Variants in KLHL1 observed in about 807,000 individuals in gnomAD.
KLHL1 encodes kelch-like protein 1.
Under a neutral mutation model 77.7 loss-of-function variants are expected in KLHL1, and 47 were observed. The observed-to-expected ratio is 0.60, with a 90% CI of 0.48 to 0.77. The LOEUF is 0.77. Among genes scored for constraint, KLHL1 ranks in the 30% least tolerant of loss-of-function variants. The probability of loss-of-function intolerance (pLI) is 0.00; values close to 1 mark genes in which losing one functional copy is unlikely to be tolerated. For synonymous variants in KLHL1, 360 were observed against 325.2 expected (o/e 1.11, Z -1.15); for missense variants, 925 against 910.8 (o/e 1.02, Z -0.20).
chr13:69,809,515 A>T (rs1418880141), intron 6 of KLHL1, among the ~76,000 whole-genome samples: 1 of 152,160 alleles, frequency 6.6e-6, no homozygotes, highest in Non-Finnish European at 1.5e-5. Context: ...CAATAAGAGA[A>T]TTAATCAGCA....
chr13:69,998,976 C>T (rs1885221856), intron 1 of KLHL1, among the ~76,000 whole-genome samples: 1 of 152,070 alleles, frequency 6.6e-6, no homozygotes, highest in South Asian at 2.1e-4. Flanking sequence ...CTCTCACCCA[C>T]ACTTCTAGAG....
chr13:69,889,604 T>C (rs1332310354), intron 4 of KLHL1, among the ~76,000 whole-genome samples: 1 of 152,072 alleles, frequency 6.6e-6, no homozygotes, highest in Non-Finnish European at 1.5e-5. Context: ...CACCTGGATT[T>C]TATTTACAAC....
intron 6 of KLHL1, among the ~76,000 whole-genome samples, chr13:69,835,098 T>TA (rs1878934281): frequency 6.6e-6 from 1 of 152,144 alleles, no homozygotes; most frequent in Admixed American, 6.6e-5. Context: ...CCAAAATGTT[T>TA]GAAAAATTTC....
At chr13:69,845,574 A>T (rs972347879) in intron 5 of KLHL1, among the ~76,000 whole-genome samples, 12 of 151,648 alleles carry the variant, frequency 7.9e-5, no homozygotes, top group African/African-American at 2.9e-4. Flanking sequence ...AATTGCAAGT[A>T]TCTATTATTT....
At chr13:69,899,193 A>C (rs559842615) in intron 4 of KLHL1, among the ~76,000 whole-genome samples, 1 of 152,140 alleles carries the variant, frequency 6.6e-6, no homozygotes, top group African/African-American at 2.4e-5. Flanking sequence ...ATGTGATTCG[A>C]CTCGATTTGT....
At chr13:69,980,014 A>G (rs1884662387) in intron 1 of KLHL1, among the ~76,000 whole-genome samples, 1 of 152,184 alleles carries the variant, frequency 6.6e-6, no homozygotes, top group Non-Finnish European at 1.5e-5. Context: ...CTTGACAAGG[A>G]CATCAGCGTC....
Position 69,944,978 on chromosome 13 carries a change from CTTTTTTTT to C in KLHL1, c.818-4750_818-4743del, listed in dbSNP as rs750774784. Among the ~76,000 whole-genome samples the C allele has an allele frequency of 4.0e-4, 32 of 79,862 alleles. 1 individual carries two copies. The East Asian group carries it at 7.6e-3, about 19-fold the overall frequency. 52.4% of individuals were successfully genotyped at this position (79,862 alleles called of 152,430 possible). On this transcript the variant is annotated intron_variant, in intron 3 of 10. Transcript: ENST00000377844. ...ATTCAAACATTAAACTATAAAACTT[CTTTTTTTT>C]TTTTTTTTTTTTTTTTTCAGATGGA...
At chr13:69,911,750 A>T (rs1882246671) in intron 4 of KLHL1, among the ~76,000 whole-genome samples, 1 of 152,104 alleles carries the variant, frequency 6.6e-6, no homozygotes, top group African/African-American at 2.4e-5. Context: ...CCACTAAATG[A>T]AATATATTAT....
At chr13:69,924,812 C>T (rs1160006474) in intron 4 of KLHL1, among the ~76,000 whole-genome samples, 1 of 152,178 alleles carries the variant, frequency 6.6e-6, no homozygotes, top group Non-Finnish European at 1.5e-5. Context: ...CTCTGTGATT[C>T]CTGGCATCTC....
intron 5 of KLHL1, among the ~76,000 whole-genome samples, chr13:69,881,831 G>A (rs1881002781): frequency 1.3e-5 from 2 of 152,094 alleles, no homozygotes; most frequent in Non-Finnish European, 2.9e-5. Flanking sequence ...CTCTGCAGAG[G>A]TTGAAATACC....
intron 6 of KLHL1, among the ~76,000 whole-genome samples, chr13:69,817,233 C>T (rs1245703012): frequency 2.6e-5 from 4 of 152,026 alleles, no homozygotes; most frequent in Non-Finnish European, 2.9e-5. Flanking sequence ...TTCTAGCTTT[C>T]GTTGAAAATG....
At chr13:69,967,573 T>C (rs1283491591) in intron 2 of KLHL1, among the ~76,000 whole-genome samples, 4 of 152,158 alleles carry the variant, frequency 2.6e-5, no homozygotes, top group African/African-American at 9.7e-5. Flanking sequence ...ATCATTGAAA[T>C]GACAAGAAAG....
chr13:69,861,804 A>AAAAAAAAAAAC (rs1566337996), intron 5 of KLHL1, among the ~76,000 whole-genome samples: 3 of 148,118 alleles, frequency 2.0e-5, no homozygotes, highest in Admixed American at 6.8e-5. Flanking sequence ...AAAAAAAAAA[A>AAAAAAAAAAAC]AAAATACAAA....
At chr13:69,704,406 C>T (rs1875535670) in intron 10 of KLHL1, among the ~76,000 whole-genome samples, 1 of 151,682 alleles carries the variant, frequency 6.6e-6, no homozygotes, top group Admixed American at 6.6e-5. Context: ...ATGTAAACCA[C>T]ATCTATCTCT....
intron 5 of KLHL1, among the ~76,000 whole-genome samples, chr13:69,873,707 C>T (rs1880665840): frequency 6.6e-6 from 1 of 152,048 alleles, no homozygotes; most frequent in South Asian, 2.1e-4. Flanking sequence ...CACATGTATA[C>T]CTATGTAACA....
chr13:69,814,193 C>G (rs2325233), intron 6 of KLHL1, among the ~76,000 whole-genome samples: 3 of 151,850 alleles, frequency 2.0e-5, no homozygotes, highest in African/African-American at 7.3e-5. Context: ...GCTTACCATA[C>G]GCAGAAAAAT....
In KLHL1 at chr13:69,701,705, A is replaced by G. The variant is rs1566348572; in HGVS notation, c.2244T>C (p.Pro748=). The G allele has an allele frequency of 1.9e-6, 3 of 1,605,858 alleles. No individual in the cohort carries two copies. Among genetic ancestry groups the G allele is most frequent in the East Asian group, 4.5e-5 (2 of 44,656 alleles). The change falls in exon 11 of 11, where the codon CCT becomes CCC. Residue 748 remains proline, a synonymous_variant. Coordinates refer to ENST00000377844, the MANE Select transcript of KLHL1 (RefSeq NM_020866.3). ...AGACVVVIKQ[P] is the part of the protein sequence containing the mutation. ...TTCCAAGTAAAATATCAATAAGTCA[A>G]GGTTGCTTGATGACTACCACACAGG... is the stretch of plus-strand genomic sequence containing the variant.
intron 1 of KLHL1, among the ~76,000 whole-genome samples, chr13:70,103,397 C>G (rs1294858150): frequency 6.6e-6 from 1 of 152,022 alleles, no homozygotes; most frequent in Non-Finnish European, 1.5e-5. Context: ...AAACTGTAAT[C>G]AGCGAGTGTT....
intron 1 of KLHL1, among the ~76,000 whole-genome samples, chr13:70,039,816 T>C (rs1353328700): frequency 6.6e-6 from 1 of 151,970 alleles, no homozygotes; most frequent in Non-Finnish European, 1.5e-5. Context: ...ATTTTTAAAA[T>C]TTTTAGTACA....
Sources: allele counts gnomAD v4.1 joint callset (sites outside exome capture counted in the v4.1 genomes callset), GRCh38; gene constraint gnomAD v4.1.1; transcripts MANE v1.5; gene names NCBI Gene and HGNC (gene_info 2026-07-23, HGNC 2026-07-21).